RAB11FIP3: variants seen among roughly 807,000 people sequenced by gnomAD.
RAB11FIP3 encodes rab11 family-interacting protein 3.
RAB11FIP3 carries 17 observed loss-of-function variants against 77.8 expected under a neutral mutation model. That is an observed-to-expected ratio of 0.22 (90% CI 0.15 to 0.33). RAB11FIP3 has a LOEUF of 0.33. RAB11FIP3 is among the 10% of genes least tolerant of loss of function. The probability of loss-of-function intolerance (pLI) is 1.00; values close to 1 mark genes in which losing one functional copy is unlikely to be tolerated. For synonymous variants in RAB11FIP3, 437 were observed against 448.2 expected, an observed-to-expected ratio of 0.98 and a Z score of 0.31; for missense variants, 1,005 against 1,011.2, an observed-to-expected ratio of 0.99 and a Z score of 0.08.
intron 2 of RAB11FIP3, among the ~76,000 whole-genome samples, chr16:462,639 CCCA>C (rs2055628598): frequency 2.0e-5 from 3 of 151,628 alleles, no homozygotes; most frequent in Admixed American, 6.6e-5. Flanking sequence ...CCATCCCTTC[CCCA>C]GCACCATCCC....
At chr16:436,656 GT>G (rs918717667) in intron 1 of RAB11FIP3, among the ~76,000 whole-genome samples, 7 of 152,048 alleles carry the variant, frequency 4.6e-5, no homozygotes, top group Admixed American at 4.6e-4. Context: ...TAACTTTTGT[GT>G]TTTTTGTAGA....
intron 1 of RAB11FIP3, among the ~76,000 whole-genome samples, chr16:436,618 A>T (rs985349283): frequency 2.0e-5 from 3 of 152,036 alleles, no homozygotes; most frequent in Admixed American, 2.0e-4. Context: ...AGTAGCTGGG[A>T]CTATAAATGC....
At chr16:469,449 T>G (rs535731756) in intron 2 of RAB11FIP3, among the ~76,000 whole-genome samples, 95 of 152,020 alleles carry the variant, frequency 6.2e-4, no homozygotes, top group Non-Finnish European at 1.1e-3. Context: ...GGTTGGAGTA[T>G]AGTGGCATGA....
intron 3 of RAB11FIP3, among the ~76,000 whole-genome samples, chr16:474,192 C>T (rs1293461001): frequency 6.6e-6 from 1 of 152,072 alleles, no homozygotes; most frequent in Non-Finnish European, 1.5e-5. Context: ...CGGGGACCCT[C>T]CACTGGTAGT....
chr16:440,159 A>AT (rs1567357096), intron 1 of RAB11FIP3, among the ~76,000 whole-genome samples: 2 of 150,716 alleles, frequency 1.3e-5, no homozygotes, highest in African/African-American at 4.9e-5. Context: ...GTTGATTAAT[A>AT]TTTATTTCTT....
Position 506,245 on chromosome 16 carries a change from G to A in RAB11FIP3, c.1499+618G>A, listed in dbSNP as rs1241181982. On this transcript the variant is annotated intron_variant, in intron 8 of 13. Coordinates refer to ENST00000262305, the MANE Select transcript of RAB11FIP3 (RefSeq NM_014700.4). The surrounding 1 kb of genome is among the most constrained non-coding windows in gnomAD (Gnocchi z 4.5). ...TCTCGGTGTTTTTCACACGAGGCAC[G>A]CCATGTTGTCTCATAGCCGATTTGC... is the stretch of plus-strand genomic sequence containing the variant. Among the ~76,000 whole-genome samples the A allele has an allele frequency of 6.7e-6, 1 of 149,268 alleles. No homozygotes were observed. The highest frequency in any genetic ancestry group is 2.5e-5 in the African/African-American group (1 of 40,382).
At chr16:482,389 GA>G (rs777055060) in intron 3 of RAB11FIP3, 135 bp from the exon 4 acceptor site, 2 of 818,038 alleles carry the variant, frequency 2.4e-6, no homozygotes, top group South Asian at 2.8e-5. Flanking sequence ...TCTCTGCTTA[GA>G]GACAGTTGGG....
At chr16:492,450 G>GCCCTCCCGGGGGACCCGAGGCCGTCCAGA in intron 5 of RAB11FIP3, among the ~76,000 whole-genome samples, 1 of 68,600 alleles carries the variant, frequency 1.5e-5, no homozygotes, top group African/African-American at 9.6e-5. Context: ...GGCCGCCCAG[G>GCCCTCCCGGGGGACCCGAGGCCGTCCAGA]GCCCTTCCCG....
At chr16:499,536 G>A (rs1037256574) in intron 6 of RAB11FIP3, among the ~76,000 whole-genome samples, 1 of 151,526 alleles carries the variant, frequency 6.6e-6, no homozygotes, top group Non-Finnish European at 1.5e-5. Flanking sequence ...AGTGGCTCAC[G>A]CCTGTAATCC....
chr16:476,755 C>A (rs1486904864), intron 3 of RAB11FIP3, among the ~76,000 whole-genome samples: 2 of 138,374 alleles, frequency 1.4e-5, no homozygotes, highest in African/African-American at 5.5e-5. Flanking sequence ...CCAGCCTGGG[C>A]GACAGAGCAA....
Position 497,443 on chromosome 16 carries a change from G to A in RAB11FIP3, c.1301+584G>A, listed in dbSNP as rs746012871. 9.5e-4 allele frequency: 1,169 copies of A among 1,233,714 alleles called. 1 individual carries two copies. Among genetic ancestry groups the A allele is most frequent in the Non-Finnish European group, 1.1e-3 (1,033 of 962,118 alleles). The allele number at this position is 1,233,714 out of a possible 1,614,324, so 76.4% of individuals were successfully genotyped here. On this transcript the variant is annotated intron_variant, in intron 6 of 13. Transcript: ENST00000262305. ...TGGCTGCCGGGTGGCCTCTGCTGCCGTCAGAGTCTGCCTTTGTGTCTTTAT... is the reference window on the plus strand; with the variant it reads ...TGGCTGCCGGGTGGCCTCTGCTGCCATCAGAGTCTGCCTTTGTGTCTTTAT...
At chr16:517,780 T>C (rs945606271) in intron 9 of RAB11FIP3, among the ~76,000 whole-genome samples, 1 of 151,932 alleles carries the variant, frequency 6.6e-6, no homozygotes, top group African/African-American at 2.4e-5. Context: ...ACTTCTTTTT[T>C]TCTTTTTGAT....
rs1269235102 is a variant in RAB11FIP3 at position 471,221 on chromosome 16, TC to T, written c.809-71del. On this transcript the variant is annotated intron_variant, in intron 2 of 13. Coordinates refer to ENST00000262305, the MANE Select transcript of RAB11FIP3 (RefSeq NM_014700.4). This position sits in a 1 kb window ranked among gnomAD's most constrained non-coding sequence, Gnocchi z 4.4. ...CCCTGGGGGCCTCCTTCCCAGGGAG[TC>T]CCGAGGCCGCCAGGGGTCCCGTCAC... The T allele has an allele frequency of 7.5e-7, 1 of 1,325,120 alleles. No homozygotes were observed. The highest frequency in any genetic ancestry group is 1.1e-6 in the Non-Finnish European group (1 of 933,020). 82.1% of individuals were successfully genotyped at this position (1,325,120 alleles called of 1,614,324 possible). A position where few individuals can be genotyped will look rare whatever the true frequency, so the allele number is the denominator to read the frequency against.
Position 505,292 on chromosome 16 carries a change from C to A in RAB11FIP3, c.1396-232C>A, listed in dbSNP as rs1052603800. ...CCTGGGCCCCGAGCCCTCAGAGCTG[C>A]GGCACTGTGTGCATTTGTGGGTCGA... is the stretch of plus-strand genomic sequence containing the variant. On this transcript the variant is annotated intron_variant, in intron 7 of 13. Coordinates refer to ENST00000262305, the MANE Select transcript of RAB11FIP3 (RefSeq NM_014700.4). This position sits in a 1 kb window ranked among gnomAD's most constrained non-coding sequence, Gnocchi z 4.0. Among the ~76,000 whole-genome samples, 1 of 152,086 alleles carries A rather than the reference C, an allele frequency of 6.6e-6. No individual in the cohort carries two copies. The highest frequency in any genetic ancestry group is 6.5e-5 in the Admixed American group (1 of 15,276).
In RAB11FIP3 at chr16:482,473, G is replaced by C; in HGVS notation, c.904-52G>C. 4 of 1,560,122 alleles carry C rather than the reference G, an allele frequency of 2.6e-6. No homozygotes were observed. The South Asian group carries it at 4.4e-5, about 17-fold the overall frequency. ...TGCAGCAGTGAGGTGTGGGGCGTTC[G>C]CAGTTCCCCTCCCAGCTTGTGCCCG... On this transcript the variant is annotated intron_variant, in intron 3 of 13. Coordinates refer to ENST00000262305, the MANE Select transcript of RAB11FIP3 (RefSeq NM_014700.4).
chr16:503,151 C>T (rs894563481), intron 7 of RAB11FIP3, 54 bp downstream of exon 7: 15 of 1,429,302 alleles, frequency 1.0e-5, no homozygotes, highest in African/African-American at 2.8e-5. Context: ...AACACAGCCA[C>T]GCCTAAGGGC....
intron 2 of RAB11FIP3, among the ~76,000 whole-genome samples, chr16:467,681 TCA>T (rs1242942870): frequency 1.2e-5 from 1 of 83,768 alleles, no homozygotes; most frequent in African/African-American, 4.8e-5. Flanking sequence ...TGCAGGGGCG[TCA>T]GGGAGGAGGT....
chr16:429,086 G>A (rs1217887740), intron 1 of RAB11FIP3, among the ~76,000 whole-genome samples: 1 of 152,116 alleles, frequency 6.6e-6, no homozygotes. Flanking sequence ...ATGGAGGAGA[G>A]CTCTTGATTT....
At chr16:504,066 ACC>A (rs2031688589) in intron 7 of RAB11FIP3, among the ~76,000 whole-genome samples, 1 of 15,412 alleles carries the variant, frequency 6.5e-5, no homozygotes, top group Non-Finnish European at 1.1e-4. Context: ...CTCCTCCTGT[ACC>A]CCCTCACCTC....
Sources: allele counts gnomAD v4.1 joint callset (sites outside exome capture counted in the v4.1 genomes callset), GRCh38; gene constraint gnomAD v4.1.1; non-coding constraint Gnocchi (gnomAD v3.1); transcripts MANE v1.5; gene names NCBI Gene and HGNC (gene_info 2026-07-23, HGNC 2026-07-21).